Variants in RAP1GDS1 observed in about 807,000 individuals in gnomAD.
RAP1GDS1 encodes the protein RAP1, GTP-GDP dissociation stimulator 1.
RAP1GDS1 carries 35 observed loss-of-function variants against 71.1 expected under a neutral mutation model. That is an observed-to-expected ratio of 0.49 (90% confidence interval 0.38 to 0.65). The LOEUF is 0.65. Ranked by LOEUF, RAP1GDS1 falls within the 30% of genes least tolerant of loss-of-function variation. The probability of loss-of-function intolerance (pLI) is 0.00; values close to 1 mark genes in which losing one functional copy is unlikely to be tolerated. For missense variants in RAP1GDS1, 663 were observed against 706.1 expected (o/e 0.94, Z 0.69); for synonymous variants, 229 against 243.1 (o/e 0.94, Z 0.54).
At chr4:98,314,311 G>A (rs2110327213) in intron 2 of RAP1GDS1, among the ~76,000 whole-genome samples, 1 of 152,318 alleles carries the variant, frequency 6.6e-6, no homozygotes, top group East Asian at 1.9e-4. Flanking sequence ...ATGAGCTAGT[G>A]ACTGGTAATT....
chr4:98,276,791 A>G (rs1358998105), intron 1 of RAP1GDS1, among the ~76,000 whole-genome samples: 2 of 152,166 alleles, frequency 1.3e-5, no homozygotes, highest in African/African-American at 2.4e-5. Flanking sequence ...TGCCCTAAGA[A>G]TGTGGGCCCA....
chr4:98,406,684 C>T (rs1187375257), intron 7 of RAP1GDS1, among the ~76,000 whole-genome samples: 1 of 151,988 alleles, frequency 6.6e-6, no homozygotes, highest in African/African-American at 2.4e-5. Flanking sequence ...TATTTTAGAA[C>T]ACTTCAACTA....
At chr4:98,312,552 T>G (rs1730380733) in intron 2 of RAP1GDS1, among the ~76,000 whole-genome samples, 1 of 152,152 alleles carries the variant, frequency 6.6e-6, no homozygotes, top group South Asian at 2.1e-4. Flanking sequence ...TACTATTTTT[T>G]TCTAATATTT....
chr4:98,308,325 A>ATATATATC (rs1729688691), intron 2 of RAP1GDS1, among the ~76,000 whole-genome samples: 1 of 133,954 alleles, frequency 7.5e-6, no homozygotes, highest in Non-Finnish European at 1.6e-5. Flanking sequence ...ATATATATAT[A>ATATATATC]TATATATGCG....
chr4:98,324,051 A>G (rs1458259751), intron 2 of RAP1GDS1, among the ~76,000 whole-genome samples: 1 of 151,298 alleles, frequency 6.6e-6, no homozygotes, highest in African/African-American at 2.4e-5. Context: ...AATCTCCTTA[A>G]GCTGATAAGC....
chr4:98,360,465 G>A (rs563832573), intron 4 of RAP1GDS1, among the ~76,000 whole-genome samples: 1 of 150,722 alleles, frequency 6.6e-6, no homozygotes, highest in South Asian at 2.1e-4. Context: ...AGGCCTACTT[G>A]GGGGTTTAAA....
intron 1 of RAP1GDS1, among the ~76,000 whole-genome samples, chr4:98,281,104 GT>G (rs1158126207): frequency 6.6e-6 from 1 of 152,094 alleles, no homozygotes; most frequent in African/African-American, 2.4e-5. Flanking sequence ...CTCTTTTTTG[GT>G]TTTATATGAA....
intron 4 of RAP1GDS1, among the ~76,000 whole-genome samples, chr4:98,365,818 A>G (rs1739405979): frequency 6.6e-6 from 1 of 152,188 alleles, no homozygotes; most frequent in Non-Finnish European, 1.5e-5. Flanking sequence ...TTTTCAGTTT[A>G]GTAGCTCTCT....
intron 1 of RAP1GDS1, among the ~76,000 whole-genome samples, chr4:98,285,262 A>G (rs17027412): frequency 0.17 from 26,134 of 152,028 alleles, 3,786 homozygotes; most frequent in African/African-American, 0.39. Context: ...CTAAAAAGAC[A>G]TTTGCCTAGA....
intron 2 of RAP1GDS1, among the ~76,000 whole-genome samples, chr4:98,328,997 CT>C (rs1381630463): frequency 6.6e-6 from 1 of 152,226 alleles, no homozygotes; most frequent in African/African-American, 2.4e-5. Flanking sequence ...GGAAGTGACA[CT>C]TTTTACTCAC....
chr4:98,387,800 A>G (rs1742989200), intron 5 of RAP1GDS1, among the ~76,000 whole-genome samples: 1 of 152,114 alleles, frequency 6.6e-6, no homozygotes, highest in South Asian at 2.1e-4. Flanking sequence ...ATTTTTGTGA[A>G]TTGCTGTGTT....
At position 98,421,272 on chromosome 4, in the gene RAP1GDS1, T is replaced by G. The variant is rs200577608; in HGVS notation, c.1318T>G (p.Leu440Val). The part of the protein sequence containing the change: ...IDAQAEAAEQ[L>V]GKNVKLVERL... ...TCCTATAGCAGAAGCTGCTGAACAA[T>G]TGGGAAAGAATGTTAAGTTAGTGGA... The change falls in exon 12 of 15, where the codon TTG (leucine) becomes GTG (valine). Residue 440 changes from leucine to valine, a missense_variant. By Grantham distance (32) the Leu-to-Val change is conservative. Coordinates refer to ENST00000408927, the MANE Select transcript of RAP1GDS1 (RefSeq NM_001100427.2). 1.1e-5 allele frequency: 17 copies of G among 1,608,930 alleles called. No individual in the cohort carries two copies. Among genetic ancestry groups the G allele is most frequent in the Non-Finnish European group, 1.4e-5 (16 of 1,177,106 alleles).
intron 1 of RAP1GDS1, among the ~76,000 whole-genome samples, chr4:98,289,997 T>C (rs1310134581): frequency 6.6e-6 from 1 of 151,860 alleles, no homozygotes; most frequent in Non-Finnish European, 1.5e-5. Flanking sequence ...CAGAAAAAAA[T>C]TGAGTGACAT....
At chr4:98,286,159 G>T (rs773149495) in intron 1 of RAP1GDS1, among the ~76,000 whole-genome samples, 6 of 151,592 alleles carry the variant, frequency 4.0e-5, no homozygotes, top group Non-Finnish European at 8.8e-5. Context: ...CATATATTCA[G>T]CTTGCTGAGG....
intron 2 of RAP1GDS1, among the ~76,000 whole-genome samples, chr4:98,307,651 T>C (rs929100938): frequency 2.0e-5 from 3 of 152,212 alleles, no homozygotes; most frequent in African/African-American, 7.2e-5. Flanking sequence ...GGATTTTTTC[T>C]GTATAACTTC....
chr4:98,379,349 G>A, intron 5 of RAP1GDS1, 186 bp downstream of exon 5: 2 of 651,538 alleles, frequency 3.1e-6, no homozygotes, highest in African/African-American at 1.9e-5. Flanking sequence ...TTACTAAATG[G>A]GACTAATTTT....
intron 3 of RAP1GDS1, among the ~76,000 whole-genome samples, chr4:98,345,025 G>T (rs1269580343): frequency 6.6e-6 from 1 of 152,032 alleles, no homozygotes; most frequent in Non-Finnish European, 1.5e-5. Flanking sequence ...TAAAGACAAG[G>T]TCTCCCTATG....
chr4:98,267,175 G>C (rs1314122008), intron 1 of RAP1GDS1, among the ~76,000 whole-genome samples: 1 of 152,098 alleles, frequency 6.6e-6, no homozygotes, highest in Admixed American at 6.6e-5. Flanking sequence ...ATATTAGCTT[G>C]TAGTTTCTTT....
chr4:98,440,363 A>G (rs950563058), intron 14 of RAP1GDS1, among the ~76,000 whole-genome samples: 6 of 152,124 alleles, frequency 3.9e-5, no homozygotes, highest in African/African-American at 1.4e-4. Flanking sequence ...GAATTACTAG[A>G]TCATATGGTC....
Sources: gnomAD v4.1 joint callset for allele counts (sites outside exome capture counted in the v4.1 genomes callset) on GRCh38, gnomAD v4.1.1 for gene constraint, MANE v1.5 for transcripts, NCBI Gene and HGNC (gene_info 2026-07-23, HGNC 2026-07-21) for gene names.